The following POU6F1 variants were observed in gnomAD, a reference collection of about 807,000 sequenced individuals.
POU6F1 encodes the protein POU domain, class 6, transcription factor 1.
POU6F1 carries 9 observed loss-of-function variants against 28.9 expected under a neutral mutation model. The ratio of observed to expected loss-of-function variants is 0.31; its 90% CI spans 0.19 to 0.54. POU6F1 has a LOEUF of 0.54. Among genes scored for constraint, POU6F1 ranks in the 20% least tolerant of loss-of-function variants. The probability of loss-of-function intolerance (pLI) is 0.94; values close to 1 mark genes in which losing one functional copy is unlikely to be tolerated. For missense variants in POU6F1, 338 were observed against 426.1 expected, an observed-to-expected ratio of 0.79 and a Z score of 1.82; for synonymous variants, 173 against 171.1, an observed-to-expected ratio of 1.01 and a Z score of -0.09.
intron 2 of POU6F1, 80 bp downstream of exon 2, chr12:51,206,709 G>A (rs746289791): frequency 2.5e-6 from 1 of 398,494 alleles, no homozygotes; most frequent in Admixed American, 4.4e-5. Context: ...GAGAGTGAAG[G>A]GCCCTGTGGA....
chr12:51,198,072 C>T, intron 5 of POU6F1, 49 bp from the exon 6 acceptor site: 2 of 399,018 alleles, frequency 5.0e-6, no homozygotes, highest in East Asian at 3.6e-5. Context: ...AGCCACTGCT[C>T]ACAGCGGCTC....
intron 7 of POU6F1, among the ~76,000 whole-genome samples, chr12:51,196,406 C>G (rs1942830121): frequency 1.3e-5 from 2 of 152,202 alleles, no homozygotes; most frequent in Non-Finnish European, 2.9e-5. Context: ...ATTCAGAGAC[C>G]TGCCTTGTTC....
chr12:51,188,480 G>C lies in POU6F1; in HGVS notation c.*1767C>G, dbSNP rs188895029. 2 of 152,422 alleles carry C rather than the reference G, an allele frequency of 1.3e-5. No homozygotes were observed. Among genetic ancestry groups the C allele is most frequent in the African/African-American group, 4.8e-5 (2 of 41,604 alleles). The allele number at this position is 152,422 out of a possible 1,614,324, so 9.4% of individuals were successfully genotyped here. ...AGGCATGGTTTGTCCAAATGCAGCA[G>C]AGCGTGTATGTGTGTGTGTGTGCGC... is the stretch of plus-strand genomic sequence containing the variant. On this transcript the variant is annotated 3_prime_UTR_variant, in exon 11 of 11. Transcript: ENST00000333640.
chr12:51,197,816 G>C lies in POU6F1; in HGVS notation c.800C>G (p.Pro267Arg), dbSNP rs984601864. ...APTPKPVDTP[P>R]QITVQPAGFA... is the part of the protein sequence containing the mutation. ...GCCTGCAGGCTGGACGGTGATCTGT[G>C]GGGGGGTGTCCACTGGCTTGGGGGT... Residue 267 changes from proline (P) to arginine (R), a missense_variant, in exon 6 of 11, where the codon CCA becomes CGA. Transcript: ENST00000333640. 3.5e-5 allele frequency: 14 copies of C among 400,722 alleles called. No homozygotes were observed. Among genetic ancestry groups the C allele is most frequent in the Non-Finnish European group, 5.3e-5 (12 of 227,262 alleles). 24.8% of individuals were successfully genotyped at this position (400,722 alleles called of 1,614,324 possible).
At chr12:51,196,245 C>T (rs1942818265) in intron 7 of POU6F1, 72 bp from the exon 8 acceptor site, 2 of 1,256,264 alleles carry the variant, frequency 1.6e-6, no homozygotes, top group Admixed American at 3.1e-5. Context: ...CAGATCCCCA[C>T]ACCACCAGGG....
chr12:51,211,416 C>G (rs907840426), intron 1 of POU6F1, among the ~76,000 whole-genome samples: 1 of 152,186 alleles, frequency 6.6e-6, no homozygotes, highest in Non-Finnish European at 1.5e-5. Flanking sequence ...GCAAATGGCT[C>G]ACTTATCCCT....
rs960362503 is a variant in POU6F1, at chr12:51,188,335, T to C, written c.*1912A>G. ...CCTCCCAAATGAGTCTGTCATCTCA[T>C]TGAGGCAGGTCGATAACCCTGAACT... On this transcript the variant is annotated 3_prime_UTR_variant, in exon 11 of 11. Transcript: ENST00000333640. 8 of 152,228 alleles carry C rather than the reference T, an allele frequency of 5.3e-5. No individual in the cohort carries two copies. The highest frequency in any genetic ancestry group is 1.4e-4 in the African/African-American group (6 of 41,470). 9.4% of individuals were successfully genotyped at this position (152,228 alleles called of 1,614,324 possible). A position where few individuals can be genotyped will look rare whatever the true frequency, so the allele number is the denominator to read the frequency against.
rs957529531 is a variant in POU6F1, at chr12:51,188,523, A to T, written c.*1724T>A. The T allele has an allele frequency of 3.9e-5, 6 of 152,294 alleles. 1 individual carries two copies. Among genetic ancestry groups the T allele is most frequent in the Non-Finnish European group, 2.9e-5 (2 of 68,062 alleles). The allele number at this position is 152,294 out of a possible 1,614,324, so 9.4% of individuals were successfully genotyped here. A position where few individuals can be genotyped will look rare whatever the true frequency, so the allele number is the denominator to read the frequency against. On this transcript the variant is annotated 3_prime_UTR_variant, in exon 11 of 11. Transcript: ENST00000333640. ...GTGTGCGCGCGTCTGTGCGCGCTGCACGTGCGTGTGCTAATTCAGCACACA... is the reference window on the plus strand; with the variant it reads ...GTGTGCGCGCGTCTGTGCGCGCTGCTCGTGCGTGTGCTAATTCAGCACACA...
chr12:51,216,270 T>C (rs549509254), intron 1 of POU6F1, among the ~76,000 whole-genome samples: 40 of 152,318 alleles, frequency 2.6e-4, no homozygotes, highest in Admixed American at 7.2e-4. Context: ...TTATCCCAAG[T>C]TCCTTCAAAA....
chr12:51,204,275 C>A lies in POU6F1; in HGVS notation c.142G>T (p.Gly48Cys). ...CTCTGGGAGCCCTCGGCGGCCACAC[C>A]CTCCAGTCCTTTGCTCTCTTCCTCA... is the stretch of plus-strand genomic sequence containing the variant. ...PAEEESKGLE[G>C]VAAEGSQSGD... Residue 48 changes from glycine (G) to cysteine (C), a missense_variant, in exon 3 of 11, where the codon GGT becomes TGT. Gly to Cys is a radical substitution (Grantham distance 159). Transcript: ENST00000333640. 2.5e-6 allele frequency: 1 copy of A among 399,100 alleles called. No individual in the cohort carries two copies. The highest frequency in any genetic ancestry group is 4.4e-6 in the Non-Finnish European group (1 of 226,146). The allele number at this position is 399,100 out of a possible 1,614,324, so 24.7% of individuals were successfully genotyped here.
At chr12:51,214,499 G>A (rs188604281) in intron 1 of POU6F1, among the ~76,000 whole-genome samples, 112 of 152,208 alleles carry the variant, frequency 7.4e-4, no homozygotes, top group Admixed American at 1.7e-3. Flanking sequence ...GAAAACAGAG[G>A]ATCTCAATTC....
rs1233878777 is a variant in POU6F1 at position 51,189,789 on chromosome 12, C to T, written c.*458G>A. The T allele has an allele frequency of 1.7e-5, 3 of 175,478 alleles. No individual in the cohort carries two copies. The highest frequency in any genetic ancestry group is 5.4e-5 in the Admixed American group (1 of 18,538). 10.9% of individuals were successfully genotyped at this position (175,478 alleles called of 1,614,324 possible). ...AGGGCAGTGTGAGGCTGTGTTTCCA[C>T]TGGATGAGTTGTCATACCTGCCACA... On this transcript the variant is annotated 3_prime_UTR_variant, in exon 11 of 11. Transcript: ENST00000333640.
chr12:51,207,999 G>A (rs983676557), intron 1 of POU6F1, among the ~76,000 whole-genome samples: 14 of 152,230 alleles, frequency 9.2e-5, no homozygotes, highest in African/African-American at 2.2e-4. Context: ...TAGGTTGGGC[G>A]CAGAGGCTCA....
In POU6F1 at chr12:51,196,945, G is replaced by A; in HGVS notation, c.847-18C>T. On this transcript the variant is annotated intron_variant, in intron 6 of 10. Transcript: ENST00000333640. ...GCACTGATCTGTGGGTGGAGGAAGA[G>A]CCTTGCTCAGAAGCCAAGGGGTGAG... 6.8e-7 allele frequency: 1 copy of A among 1,479,906 alleles called. No individual in the cohort carries two copies. The highest frequency in any genetic ancestry group is 9.4e-7 in the Non-Finnish European group (1 of 1,066,750). 91.7% of individuals were successfully genotyped at this position (1,479,906 alleles called of 1,614,324 possible). A position where few individuals can be genotyped will look rare whatever the true frequency, so the allele number is the denominator to read the frequency against.
chr12:51,215,319 C>G (rs992622794), intron 1 of POU6F1, among the ~76,000 whole-genome samples: 13 of 151,994 alleles, frequency 8.6e-5, no homozygotes, highest in Non-Finnish European at 1.6e-4. Context: ...CTTTGGGAGG[C>G]CGAGGCGGGC....
intron 1 of POU6F1, among the ~76,000 whole-genome samples, chr12:51,209,526 T>C (rs2137211500): frequency 6.6e-6 from 1 of 152,360 alleles, no homozygotes; most frequent in African/African-American, 2.4e-5. Flanking sequence ...TGTTTATCCA[T>C]TCATTAGTTG....
chr12:51,214,709 G>C (rs555765910), intron 1 of POU6F1, among the ~76,000 whole-genome samples: 1 of 151,982 alleles, frequency 6.6e-6, no homozygotes, highest in Non-Finnish European at 1.5e-5. Context: ...AGGCTGAGGC[G>C]GGTGGATCAC....
At chr12:51,195,622 G>C (rs1301515733) in intron 8 of POU6F1, among the ~76,000 whole-genome samples, 1 of 152,176 alleles carries the variant, frequency 6.6e-6, no homozygotes, top group Non-Finnish European at 1.5e-5. Context: ...GTACAGAACT[G>C]ACTTCCCAGG....
rs1259904161 is a variant in POU6F1 at position 51,190,476 on chromosome 12, A to G, written c.1607T>C (p.Phe536Ser). Residue 536 changes from phenylalanine to serine, a missense_variant, in exon 11 of 11, where the codon TTT becomes TCT. Coordinates refer to ENST00000333640, the MANE Select transcript of POU6F1 (RefSeq NM_001330422.2). The surrounding 1 kb of genome is among the most constrained non-coding windows in gnomAD (Gnocchi z 4.5). The part of the protein sequence containing the change: ...NQEGQQNLME[F>S]VGGEPSKKRK... The stretch of plus-strand genomic sequence containing the variant: ...TTTCTTGGAGGGCTCGCCTCCCACA[A>G]ACTCCATCAGGTTCTGCTGGCCTTC... 1 of 1,614,004 alleles carries G rather than the reference A, an allele frequency of 6.2e-7. No individual in the cohort carries two copies. Among genetic ancestry groups the G allele is most frequent in the Non-Finnish European group, 8.5e-7 (1 of 1,179,978 alleles).
Sources: allele counts gnomAD v4.1 joint callset (sites outside exome capture counted in the v4.1 genomes callset), GRCh38; gene constraint gnomAD v4.1.1; non-coding constraint Gnocchi (gnomAD v3.1); transcripts MANE v1.5; gene names NCBI Gene and HGNC (gene_info 2026-07-23, HGNC 2026-07-21).